Variants in AKAP6 observed in about 807,000 individuals in gnomAD.
The protein encoded by AKAP6 is A-kinase anchor protein 6.
AKAP6 carries 58 observed loss-of-function variants against 188.5 expected under a neutral mutation model. That is an observed-to-expected ratio of 0.31 (90% CI 0.25 to 0.38). The LOEUF (loss-of-function observed/expected upper bound fraction) is 0.38. Among genes scored for constraint, AKAP6 ranks in the 10% least tolerant of loss-of-function variants. The pLI, the probability that AKAP6 is intolerant of heterozygous loss-of-function variation, is 1.00. For synonymous variants in AKAP6, 989 were observed against 998.6 expected (o/e 0.99, Z 0.18); for missense variants, 2,710 against 2,740.0 (o/e 0.99, Z 0.24).
intron 2 of AKAP6, among the ~76,000 whole-genome samples, chr14:32,532,174 G>C (rs1882448101): frequency 2.6e-5 from 4 of 152,108 alleles, no homozygotes; most frequent in Admixed American, 2.6e-4. Flanking sequence ...TTTTATTCTA[G>C]GCATTTGAAC....
intron 2 of AKAP6, among the ~76,000 whole-genome samples, chr14:32,510,384 A>ATATATG (rs1566546337): frequency 9.0e-5 from 10 of 110,854 alleles, no homozygotes; most frequent in East Asian, 4.8e-4. Context: ...ATATGTGTAT[A>ATATATG]TATATATGTG....
rs1950699 is a variant in AKAP6, at chr14:32,701,530, C to A, written c.3000+5420C>A. Among the ~76,000 whole-genome samples the A allele has an allele frequency of 9.2e-3, 1,389 of 151,366 alleles. 20 individuals carry two copies. Among genetic ancestry groups the A allele is most frequent in the East Asian group, 0.05 (260 of 5,154 alleles). On this transcript the variant is annotated intron_variant, in intron 9 of 13. Transcript: ENST00000280979. ...AATGGTATGGTAAATAAATTTCTAA[C>A]CATAATAATTATTAAATATAAATAC...
intron 4 of AKAP6, among the ~76,000 whole-genome samples, chr14:32,559,189 G>A (rs116641330): frequency 3.3e-4 from 50 of 152,304 alleles, no homozygotes; most frequent in African/African-American, 1.2e-3. Flanking sequence ...CTAGATCAGG[G>A]CTACAAACTA....
In AKAP6 at chr14:32,547,018, C is replaced by G; in HGVS notation, c.2346+19C>G. The G allele has an allele frequency of 6.4e-7, 1 of 1,567,662 alleles. No homozygotes were observed. The highest frequency in any genetic ancestry group is 8.6e-7 in the Non-Finnish European group (1 of 1,164,906). On this transcript the variant is annotated intron_variant, in intron 4 of 13. Coordinates refer to ENST00000280979, the MANE Select transcript of AKAP6 (RefSeq NM_004274.5). The stretch of plus-strand genomic sequence containing the variant: ...AATAGAGGTAAGGTGGTTTTCTTAA[C>G]ATGAATGATTTCTCACTTGAGTTTT...
chr14:32,593,011 AAC>A (rs60277036), intron 5 of AKAP6, among the ~76,000 whole-genome samples: 8,379 of 123,674 alleles, frequency 0.068, 339 homozygotes, highest in Admixed American at 0.11. Context: ...CCCCCACCCC[AAC>A]ACACACACAC....
chr14:32,821,135 T>A (rs1237835439), intron 12 of AKAP6, among the ~76,000 whole-genome samples: 2 of 152,228 alleles, frequency 1.3e-5, no homozygotes, highest in Non-Finnish European at 2.9e-5. Flanking sequence ...AATGGCTAAT[T>A]CCATAAATTA....
Position 32,822,782 on chromosome 14 carries a change from A to G in AKAP6, c.4969A>G (p.Ile1657Val). ...AAAGATAAAACGAAGTGTTTCTGAT[A>G]TCACTCTTCAAAGCAGTTCCCAAAA... is the stretch of plus-strand genomic sequence containing the variant. ...EQKIKRSVSD[I>V]TLQSSSQKMS... The change falls in exon 13 of 14, where the codon ATC becomes GTC. Residue 1657 changes from isoleucine to valine, a missense_variant. Ile to Val is a conservative substitution (Grantham distance 29). Around this residue, in one of 2 missense-constraint regions of AKAP6, gnomAD observed 2,473 missense variants for 2,426.1 expected, o/e 1.02. Coordinates refer to ENST00000280979, the MANE Select transcript of AKAP6 (RefSeq NM_004274.5). 6.2e-7 allele frequency: 1 copy of G among 1,613,934 alleles called. No individual in the cohort carries two copies. The highest frequency in any genetic ancestry group is 8.5e-7 in the Non-Finnish European group (1 of 1,179,910).
intron 5 of AKAP6, among the ~76,000 whole-genome samples, chr14:32,590,921 C>T (rs1885460381): frequency 6.6e-6 from 1 of 152,154 alleles, no homozygotes; most frequent in Non-Finnish European, 1.5e-5. Flanking sequence ...TTGGTTCCCC[C>T]TCTCAAATGC....
intron 9 of AKAP6, among the ~76,000 whole-genome samples, chr14:32,725,491 A>AT (rs931501773): frequency 1.3e-4 from 19 of 151,518 alleles, no homozygotes; most frequent in Admixed American, 3.9e-4. Context: ...TCATGTTGAG[A>AT]TTTTTTTTTC....
chr14:32,553,354 A>G (rs1386986119), intron 4 of AKAP6, among the ~76,000 whole-genome samples: 3 of 151,752 alleles, frequency 2.0e-5, no homozygotes, highest in Non-Finnish European at 4.4e-5. Context: ...TATTTTTTTT[A>G]GTAGAAACGG....
intron 2 of AKAP6, among the ~76,000 whole-genome samples, chr14:32,468,805 C>T (rs1351322075): frequency 2.6e-5 from 4 of 152,108 alleles, no homozygotes; most frequent in Non-Finnish European, 5.9e-5. Flanking sequence ...AAATGTCCTG[C>T]GTTCTAATTG....
rs189566389 is a variant in AKAP6, at chr14:32,373,323, A to T, written c.-35+43915A>T. On this transcript the variant is annotated intron_variant, in intron 1 of 13. Transcript: ENST00000280979. ...GGTGGGTGGGGGAAGCCAGTGTTCC[A>T]GGAGAGCCGATTGGTCAGAGATGAA... is the stretch of plus-strand genomic sequence containing the variant. 13 of 152,294 alleles carry T rather than the reference A, an allele frequency of 8.5e-5. No homozygotes were observed. The East Asian group carries it at 2.5e-3, about 30-fold the overall frequency. 9.4% of individuals were successfully genotyped at this position (152,294 alleles called of 1,614,324 possible).
chr14:32,761,915 T>G (rs1375546069), intron 11 of AKAP6, among the ~76,000 whole-genome samples: 9 of 152,084 alleles, frequency 5.9e-5, no homozygotes, highest in Non-Finnish European at 1.0e-4. Context: ...GGAAAATGCC[T>G]TCATCCATTC....
intron 12 of AKAP6, among the ~76,000 whole-genome samples, chr14:32,807,069 AATAT>A (rs10570126): frequency 0.46 from 68,355 of 149,404 alleles, 15,794 homozygotes; most frequent in Non-Finnish European, 0.5. Flanking sequence ...AAGGGGGGGA[AATAT>A]ATATATATAT....
intron 2 of AKAP6, among the ~76,000 whole-genome samples, chr14:32,501,894 T>G (rs148480602): frequency 6.6e-6 from 1 of 152,312 alleles, no homozygotes; most frequent in African/African-American, 2.4e-5. Context: ...TACTCTGACT[T>G]AATGACAGTA....
chr14:32,510,522 T>A (rs1881206083), intron 2 of AKAP6, among the ~76,000 whole-genome samples: 1 of 140,886 alleles, frequency 7.1e-6, no homozygotes, highest in Admixed American at 7.4e-5. Flanking sequence ...TTACCTACAA[T>A]CTTATTCCCT....
At chr14:32,784,443 G>A (rs1274654089) in intron 12 of AKAP6, among the ~76,000 whole-genome samples, 6 of 152,134 alleles carry the variant, frequency 3.9e-5, no homozygotes, top group African/African-American at 1.4e-4. Context: ...TTCCTCAGGG[G>A]AATCTGCAAA....
intron 7 of AKAP6, among the ~76,000 whole-genome samples, chr14:32,609,632 G>C (rs920431392): frequency 7.9e-5 from 12 of 152,096 alleles, no homozygotes; most frequent in Non-Finnish European, 1.6e-4. Flanking sequence ...CCCTGAGTGA[G>C]AAGAGGGAGA....
At chr14:32,688,875 G>C (rs761088681) in intron 8 of AKAP6, among the ~76,000 whole-genome samples, 1 of 152,142 alleles carries the variant, frequency 6.6e-6, no homozygotes, top group Admixed American at 6.5e-5. Flanking sequence ...CCAGGCTTTT[G>C]TTAGGATTGG....
Sources: allele counts gnomAD v4.1 joint callset (sites outside exome capture counted in the v4.1 genomes callset), GRCh38; gene constraint gnomAD v4.1.1; regional missense constraint gnomAD v4.1.1; transcripts MANE v1.5; gene names NCBI Gene and HGNC (gene_info 2026-07-23, HGNC 2026-07-21).